The following WDR3 variants were observed in gnomAD, a reference collection of about 807,000 sequenced individuals.
The protein encoded by WDR3 is WD repeat domain 3.
Under a neutral mutation model 123.7 loss-of-function variants are expected in WDR3, and 81 were observed. The observed-to-expected ratio is 0.65, with a 90% confidence interval of 0.55 to 0.79. The LOEUF (loss-of-function observed/expected upper bound fraction) is 0.79. Ranked by LOEUF, WDR3 falls within the 30% of genes least tolerant of loss-of-function variation. WDR3 has a pLI of 0.00. For synonymous variants in WDR3, 390 were observed against 388.8 expected (o/e 1.00, Z -0.04); for missense variants, 1,027 against 1,123.2 (o/e 0.91, Z 1.22).
At position 117,953,543 on chromosome 1, in the gene WDR3, T is replaced by C. The variant is rs1651744019; in HGVS notation, c.2268+2T>C. On this transcript the variant is annotated splice_donor_variant, in intron 21 of 26. Coordinates refer to ENST00000349139, the MANE Select transcript of WDR3 (RefSeq NM_006784.3). LOFTEE classifies it high-confidence loss of function. ...AAAACTATTGAAACAGTGAAAGCAG[T>C]AAGTTGATATAGAATGTGGTATCTC... The C allele has an allele frequency of 6.2e-7, 1 of 1,611,908 alleles. No homozygotes were observed. The highest frequency in any genetic ancestry group is 8.5e-7 in the Non-Finnish European group (1 of 1,178,620).
intron 12 of WDR3, among the ~76,000 whole-genome samples, chr1:117,946,487 A>T (rs1197774147): frequency 6.6e-6 from 1 of 152,178 alleles, no homozygotes; most frequent in African/African-American, 2.4e-5. Flanking sequence ...ATTAAGGGTA[A>T]TAATTAAATA....
chr1:117,941,826 A>T lies in WDR3; in HGVS notation c.968A>T (p.Lys323Met), dbSNP rs1378110808. The change falls in exon 9 of 27, where the codon AAG (lysine) becomes ATG (methionine). Residue 323 changes from lysine (K) to methionine (M), a missense_variant. By Grantham distance (95) the Lys-to-Met change is moderately conservative (BLOSUM62 -1). Coordinates refer to ENST00000349139, the MANE Select transcript of WDR3 (RefSeq NM_006784.3). Reference sequence around the variant, plus strand: ...CAGAAGAAAATGGATAAGAAGATGAAGAAAGCTAGAAAGAAAGCAAAGTAT... The same window carrying T: ...CAGAAGAAAATGGATAAGAAGATGATGAAAGCTAGAAAGAAAGCAAAGTAT... ...EIQKKMDKKM[K>M]KARKKAKLHS... 1.9e-6 allele frequency: 3 copies of T among 1,609,820 alleles called. No individual in the cohort carries two copies. Among genetic ancestry groups the T allele is most frequent in the Non-Finnish European group, 2.5e-6 (3 of 1,178,972 alleles).
chr1:117,941,975 G>C, intron 9 of WDR3, 128 bp downstream of exon 9: 1 of 1,396,610 alleles, frequency 7.2e-7, no homozygotes, highest in Non-Finnish European at 9.3e-7. Context: ...GAACTTGTGA[G>C]GTATCGATAA....
intron 12 of WDR3, among the ~76,000 whole-genome samples, chr1:117,946,872 T>C (rs1195017799): frequency 3.1e-5 from 4 of 130,648 alleles, no homozygotes; most frequent in Non-Finnish European, 6.2e-5. Flanking sequence ...ACCCGGGAGG[T>C]GGAGCTTGCA....
chr1:117,955,626 T>C (rs1652082094), intron 24 of WDR3, among the ~76,000 whole-genome samples: 1 of 152,120 alleles, frequency 6.6e-6, no homozygotes, highest in Non-Finnish European at 1.5e-5. Flanking sequence ...ATAATTCAAT[T>C]AGAAGCACCA....
At chr1:117,949,680 T>C in intron 13 of WDR3, 71 bp from the exon 14 acceptor site, 1 of 1,525,002 alleles carries the variant, frequency 6.6e-7, no homozygotes, top group Non-Finnish European at 8.9e-7. Flanking sequence ...TCTTAGACTT[T>C]TAAAATGTAT....
In WDR3 at chr1:117,955,347, G is replaced by T; in HGVS notation, c.2442G>T (p.Gly814=). 6.2e-7 allele frequency: 1 copy of T among 1,612,160 alleles called. No homozygotes were observed. The change falls in exon 24 of 27, where the codon GGG becomes GGT. Residue 814 remains glycine (G), a synonymous_variant. Transcript: ENST00000349139. Reference sequence around the variant, plus strand: ...CTTATGTATTAGAGATTTTTAAAGGGATCAAGTCGAGGTGAGTGAGTCCTT... The same window carrying T: ...CTTATGTATTAGAGATTTTTAAAGGTATCAAGTCGAGGTGAGTGAGTCCTT... ...PSAYVLEIFK[G]IKSSELEESL...
Position 117,959,019 on chromosome 1 carries a change from T to TAC in WDR3, c.2676+17_2676+18insCA. On this transcript the variant is annotated intron_variant, in intron 26 of 26. Coordinates refer to ENST00000349139, the MANE Select transcript of WDR3 (RefSeq NM_006784.3). ...CCAAGTCCGGGTAAGTGTCTTTGTATAGAGATAAAATAATGAGGCAAATTC... is the reference window on the plus strand; with the variant it reads ...CCAAGTCCGGGTAAGTGTCTTTGTATACAGAGATAAAATAATGAGGCAAATTC... 6.2e-7 allele frequency: 1 copy of TAC among 1,611,866 alleles called. No homozygotes were observed. The highest frequency in any genetic ancestry group is 8.5e-7 in the Non-Finnish European group (1 of 1,178,194).
chr1:117,947,838 C>T lies in WDR3; in HGVS notation c.1423-567C>T, dbSNP rs76342069. 5.6e-3 allele frequency among the ~76,000 whole-genome samples: 848 copies of T among 152,262 alleles called. 6 individuals are homozygous for T. The highest frequency in any genetic ancestry group is 0.033 in the East Asian group (171 of 5,176). ...GCTGACACCATGACTATGGCATATA[C>T]AGACCTCTAAATAGGAATTTTAGAG... On this transcript the variant is annotated intron_variant, in intron 12 of 26. Transcript: ENST00000349139.
At position 117,949,816 on chromosome 1, in the gene WDR3, T is replaced by C. The variant is rs759943988; in HGVS notation, c.1590T>C (p.Asp530=). 1.2e-6 allele frequency: 2 copies of C among 1,613,960 alleles called. No individual in the cohort carries two copies. Among genetic ancestry groups the C allele is most frequent in the East Asian group, 2.2e-5 (1 of 44,874 alleles). Residue 530 remains aspartate, a synonymous_variant, in exon 14 of 27, where the codon GAT becomes GAC. Coordinates refer to ENST00000349139, the MANE Select transcript of WDR3 (RefSeq NM_006784.3). ...TCTGGGATTTTGAGTTAGTGAAAGA[T>C]GAAAATAGTACCCAAAAGAGGTGAG... The part of the protein sequence containing the change: ...VKFWDFELVK[D]ENSTQKRLSV...
At chr1:117,931,613 A>G (rs1571006200) in intron 1 of WDR3, among the ~76,000 whole-genome samples, 1 of 152,210 alleles carries the variant, frequency 6.6e-6, no homozygotes, top group East Asian at 1.9e-4. Flanking sequence ...AGGACTGGAA[A>G]TAGACAGATG....
chr1:117,950,223 C>G, intron 15 of WDR3, 93 bp downstream of exon 15: 1 of 1,428,608 alleles, frequency 7.0e-7, no homozygotes, highest in South Asian at 1.4e-5. Flanking sequence ...CTTGACTGTG[C>G]CCAGCGATAG....
intron 1 of WDR3, among the ~76,000 whole-genome samples, chr1:117,931,306 A>G (rs897480910): frequency 1.3e-5 from 2 of 152,264 alleles, no homozygotes; most frequent in Non-Finnish European, 2.9e-5. Flanking sequence ...GCTCGGTTTC[A>G]TTAATTGCTG....
chr1:117,950,457 C>G (rs1332721533), intron 15 of WDR3, among the ~76,000 whole-genome samples: 1 of 152,106 alleles, frequency 6.6e-6, no homozygotes, highest in Admixed American at 6.6e-5. Context: ...TTAGGATCAT[C>G]TAGGTTGCTT....
chr1:117,937,725 T>G (rs1285360638), intron 4 of WDR3, among the ~76,000 whole-genome samples: 1 of 152,126 alleles, frequency 6.6e-6, no homozygotes, highest in Non-Finnish European at 1.5e-5. Context: ...AGTTTGCTCA[T>G]GAAGGAGGAT....
rs1652798134 is a variant in WDR3, at chr1:117,959,882, A to G, written c.*435A>G. 1 of 153,110 alleles carries G rather than the reference A, an allele frequency of 6.5e-6. No individual in the cohort carries two copies. Among genetic ancestry groups the G allele is most frequent in the South Asian group, 2.0e-4 (1 of 4,884 alleles). 9.5% of individuals were successfully genotyped at this position (153,110 alleles called of 1,614,324 possible). On this transcript the variant is annotated 3_prime_UTR_variant, in exon 27 of 27. Transcript: ENST00000349139. ...ATTGAGACAACCAGGTGCATAATTG[A>G]TTGCCCTTTGGCCATAAAAATGCAG...
At chr1:117,951,891 G>T (rs1416410675) in intron 16 of WDR3, 85 bp from the exon 17 acceptor site, 4 of 1,289,606 alleles carry the variant, frequency 3.1e-6, no homozygotes, top group African/African-American at 3.0e-5. Context: ...GTGTTTGAAA[G>T]AAATGGGTTA....
At chr1:117,939,409 G>A in intron 5 of WDR3, 68 bp from the exon 6 acceptor site, 1 of 1,497,018 alleles carries the variant, frequency 6.7e-7, no homozygotes, top group Non-Finnish European at 9.2e-7. Flanking sequence ...CAGACTTTTG[G>A]AATGTCATAT....
intron 1 of WDR3, among the ~76,000 whole-genome samples, chr1:117,932,062 A>G (rs1009635052): frequency 2.6e-5 from 4 of 152,206 alleles, no homozygotes; most frequent in East Asian, 1.9e-4. Flanking sequence ...TTTAAGTTGC[A>G]TGGGTGTTTT....
Sources: allele counts gnomAD v4.1 joint callset (sites outside exome capture counted in the v4.1 genomes callset), GRCh38; gene constraint gnomAD v4.1.1; transcripts MANE v1.5; gene names NCBI Gene and HGNC (gene_info 2026-07-23, HGNC 2026-07-21).